The following ZCCHC14 variants were observed in gnomAD, a reference collection of about 807,000 sequenced individuals.
The protein encoded by ZCCHC14 is zinc finger CCHC domain-containing protein 14.
ZCCHC14 carries 16 observed loss-of-function variants against 85.0 expected under a neutral mutation model. The ratio of observed to expected loss-of-function variants is 0.19; its 90% CI spans 0.13 to 0.29. ZCCHC14 has a LOEUF of 0.29. ZCCHC14 is among the 10% of genes least tolerant of loss of function. The pLI, the probability that ZCCHC14 is intolerant of heterozygous loss-of-function variation, is 1.00. For synonymous variants in ZCCHC14, 775 were observed against 630.7 expected, an observed-to-expected ratio of 1.23 and a Z score of -3.43; for missense variants, 1,303 against 1,443.5, an observed-to-expected ratio of 0.90 and a Z score of 1.58.
Position 87,411,986 on chromosome 16 carries a change from G to A in ZCCHC14, c.2735C>T (p.Pro912Leu), listed in dbSNP as rs958349467. 6.2e-7 allele frequency: 1 copy of A among 1,608,776 alleles called. No homozygotes were observed. The highest frequency in any genetic ancestry group is 1.1e-5 in the South Asian group (1 of 90,898). The change falls in exon 12 of 13, where the codon CCC becomes CTC. Residue 912 changes from proline (P) to leucine (L), a missense_variant. Pro to Leu is a moderately conservative substitution (Grantham distance 98). Around this residue, in one of 7 missense-constraint regions of ZCCHC14, gnomAD observed 797 missense variants for 730.8 expected, o/e 1.09. Coordinates refer to ENST00000671377, the MANE Select transcript of ZCCHC14 (RefSeq NM_015144.3). ...TGGCGGGGGTGGGGCGGGCTGCGGG[G>A]GTGCCGGGGGCTGCTGATGGTGGTG... Reference protein sequence around the residue: ...HHHHHQQPPAPPQPAPPPPGC... With the variant: ...HHHHHQQPPALPQPAPPPPGC...
intron 4 of ZCCHC14, 66 bp downstream of exon 4, chr16:87,423,744 G>C: frequency 6.4e-7 from 1 of 1,568,224 alleles, no homozygotes; most frequent in Non-Finnish European, 8.8e-7. Flanking sequence ...AAATTACTCC[G>C]TGGTATCATC....
intron 2 of ZCCHC14, among the ~76,000 whole-genome samples, chr16:87,455,046 T>C (rs1187013058): frequency 1.3e-5 from 2 of 152,132 alleles, no homozygotes; most frequent in Admixed American, 6.5e-5. Flanking sequence ...CCCAGCACTG[T>C]GGGAGGCCGA....
chr16:87,460,262 A>T, intron 1 of ZCCHC14, 131 bp from the exon 2 acceptor site: 1 of 1,234,646 alleles, frequency 8.1e-7, no homozygotes, highest in South Asian at 1.7e-5. Flanking sequence ...TATTATAATA[A>T]TAAGCCTTCC....
intron 2 of ZCCHC14, among the ~76,000 whole-genome samples, chr16:87,441,283 T>C (rs1910173124): frequency 6.6e-6 from 1 of 152,196 alleles, no homozygotes; most frequent in African/African-American, 2.4e-5. Flanking sequence ...TGAGCCACCA[T>C]GCCCGGCCTC....
At chr16:87,428,765 C>G (rs932083703) in intron 3 of ZCCHC14, among the ~76,000 whole-genome samples, 2 of 152,210 alleles carry the variant, frequency 1.3e-5, no homozygotes, top group South Asian at 2.1e-4. Context: ...TTTTATATAA[C>G]TAGACTCATA....
rs1555526992 is a variant in ZCCHC14, at chr16:87,492,907, C to CGCGGCGGCGGCGGCGACGGCGACGGCG, written c.-696_-670dup. Among the ~76,000 whole-genome samples the CGCGGCGGCGGCGGCGACGGCGACGGCG allele has an allele frequency of 6.8e-6, 1 of 147,986 alleles. No homozygotes were observed. Among genetic ancestry groups the CGCGGCGGCGGCGGCGACGGCGACGGCG allele is most frequent in the African/African-American group, 2.5e-5 (1 of 40,512 alleles). On this transcript the variant is annotated 5_prime_UTR_variant, in exon 1 of 13. Coordinates refer to ENST00000671377, the MANE Select transcript of ZCCHC14 (RefSeq NM_015144.3). This position sits in a 1 kb window ranked among gnomAD's most constrained non-coding sequence, Gnocchi z 6.7. ...CGCGGCGGACGGATCCGGGCCCGAG[C>CGCGGCGGCGGCGGCGACGGCGACGGCG]GCGGCGGCGGCGGCGACGGCGACGG...
intron 3 of ZCCHC14, among the ~76,000 whole-genome samples, chr16:87,431,607 AC>A (rs1440017394): frequency 6.6e-6 from 1 of 152,178 alleles, no homozygotes; most frequent in Non-Finnish European, 1.5e-5. Flanking sequence ...AACTGGACTA[AC>A]TGGACTAAGG....
chr16:87,466,551 G>C (rs1307424421), intron 1 of ZCCHC14, among the ~76,000 whole-genome samples: 1 of 152,202 alleles, frequency 6.6e-6, no homozygotes. Context: ...AAATACACAG[G>C]ACTGCAAACA....
rs1374059066 is a variant in ZCCHC14 at position 87,420,716 on chromosome 16, G to A, written c.841C>T (p.Leu281=). 6.2e-7 allele frequency: 1 copy of A among 1,610,960 alleles called. No individual in the cohort carries two copies. The highest frequency in any genetic ancestry group is 1.7e-5 in the Admixed American group (1 of 59,726). Residue 281 remains leucine, a splice_region_variant and synonymous_variant, in exon 5 of 13, where the codon CTA becomes TTA. Coordinates refer to ENST00000671377, the MANE Select transcript of ZCCHC14 (RefSeq NM_015144.3). The surrounding 1 kb of genome is among the most constrained non-coding windows in gnomAD (Gnocchi z 5.0). ...TTCTCTTCAGGATAGAGCTGACATA[G>A]CTGGAAGAGAGGACAAGGTAGAGGA... ...SSEVTEFISK[L]CQLYPEENLE... is the part of the protein sequence containing the mutation.
chr16:87,414,468 G>T lies in ZCCHC14; in HGVS notation c.1549C>A (p.Pro517Thr). The change falls in exon 10 of 13, where the codon CCC becomes ACC. Residue 517 changes from proline (P) to threonine (T), a missense_variant. This residue lies in a region of ZCCHC14 where 58 missense variants were observed against 88.2 expected (regional missense o/e 0.66). Coordinates refer to ENST00000671377, the MANE Select transcript of ZCCHC14 (RefSeq NM_015144.3). ...ACGGGCCCGACGTGGCTGGTGGGGG[G>T]CACTCGAGCCACACCACTGCTGGTG... is the stretch of plus-strand genomic sequence containing the variant. ...LVTSSGVARV[P>T]PTSHVGPVQS... 1 of 1,612,798 alleles carries T rather than the reference G, an allele frequency of 6.2e-7. No individual in the cohort carries two copies. Among genetic ancestry groups the T allele is most frequent in the Non-Finnish European group, 8.5e-7 (1 of 1,179,880 alleles).
chr16:87,435,708 A>G (rs1256655855), intron 2 of ZCCHC14, among the ~76,000 whole-genome samples: 1 of 152,252 alleles, frequency 6.6e-6, no homozygotes, highest in Non-Finnish European at 1.5e-5. Flanking sequence ...CCTCCAGGGA[A>G]CCTCGTGCAT....
chr16:87,492,435 G>T lies in ZCCHC14; in HGVS notation c.-197C>A, dbSNP rs932423925. ...GGGACCGGGGCCGGGCAAGGCTCCC[G>T]TCAGGGGCCGGCGGGCGGGCGCGCG... On this transcript the variant is annotated 5_prime_UTR_variant, in exon 1 of 13. Coordinates refer to ENST00000671377, the MANE Select transcript of ZCCHC14 (RefSeq NM_015144.3). This position sits in a 1 kb window ranked among gnomAD's most constrained non-coding sequence, Gnocchi z 6.7. The T allele has an allele frequency of 2.1e-5, 3 of 144,860 alleles. No homozygotes were observed. The highest frequency in any genetic ancestry group is 4.6e-5 in the Non-Finnish European group (3 of 65,418). The allele number at this position is 144,860 out of a possible 1,614,324, so 9.0% of individuals were successfully genotyped here.
Position 87,407,189 on chromosome 16 carries a change from C to G in ZCCHC14, c.*3091G>C, listed in dbSNP as rs1908239071. On this transcript the variant is annotated 3_prime_UTR_variant, in exon 13 of 13. Coordinates refer to ENST00000671377, the MANE Select transcript of ZCCHC14 (RefSeq NM_015144.3). ...CCCAAGACAGAGTCTGTGGTATAAA[C>G]TAACTGTGCTGACTTTGGGCAATAA... 1 of 152,188 alleles carries G rather than the reference C, an allele frequency of 6.6e-6. No homozygotes were observed. Among genetic ancestry groups the G allele is most frequent in the Admixed American group, 6.5e-5 (1 of 15,278 alleles). 9.4% of individuals were successfully genotyped at this position (152,188 alleles called of 1,614,324 possible).
intron 1 of ZCCHC14, among the ~76,000 whole-genome samples, chr16:87,484,118 C>T (rs573104109): frequency 2.0e-5 from 3 of 152,240 alleles, no homozygotes; most frequent in South Asian, 4.1e-4. Flanking sequence ...GAAGGTTCTA[C>T]GAGGAAGTGT....
At chr16:87,443,452 G>C (rs1209813824) in intron 2 of ZCCHC14, among the ~76,000 whole-genome samples, 2 of 152,190 alleles carry the variant, frequency 1.3e-5, no homozygotes, top group African/African-American at 4.8e-5. Context: ...GATGCTGACA[G>C]TGGCCAGGCA....
At chr16:87,478,061 T>A (rs1232905173) in intron 1 of ZCCHC14, among the ~76,000 whole-genome samples, 2 of 152,236 alleles carry the variant, frequency 1.3e-5, no homozygotes, top group Non-Finnish European at 2.9e-5. Context: ...CTCATATCTT[T>A]ATTAGCAATT....
At chr16:87,484,325 C>T (rs552703616) in intron 1 of ZCCHC14, among the ~76,000 whole-genome samples, 213 of 152,320 alleles carry the variant, frequency 1.4e-3, no homozygotes, top group African/African-American at 5.1e-3. Flanking sequence ...CCATTTCCTA[C>T]CTCTGGTTAC....
rs1441219505 is a variant in ZCCHC14 at position 87,409,204 on chromosome 16, G to A, written c.*1076C>T. ...AGCCTAATACAAAAGAAGTTGACAG[G>A]AGAAAATTCCCAATCTTTTGCTGAT... On this transcript the variant is annotated 3_prime_UTR_variant, in exon 13 of 13. Transcript: ENST00000671377. 6.6e-6 allele frequency: 1 copy of A among 152,210 alleles called. No homozygotes were observed. The allele number at this position is 152,210 out of a possible 1,614,324, so 9.4% of individuals were successfully genotyped here.
intron 8 of ZCCHC14, among the ~76,000 whole-genome samples, chr16:87,416,215 C>T (rs1057387078): frequency 2.6e-5 from 4 of 152,034 alleles, no homozygotes; most frequent in East Asian, 2.0e-4. Flanking sequence ...CGTGAGCCAC[C>T]GCACCTGGCC....
Sources: gnomAD v4.1 joint callset for allele counts (sites outside exome capture counted in the v4.1 genomes callset) on GRCh38, gnomAD v4.1.1 for gene constraint, gnomAD v4.1.1 regional missense constraint, Gnocchi (gnomAD v3.1) non-coding constraint, MANE v1.5 for transcripts, NCBI Gene and HGNC (gene_info 2026-07-23, HGNC 2026-07-21) for gene names.